Variants in PDE1A observed in about 807,000 individuals in gnomAD.
The protein encoded by PDE1A is dual specificity calcium/calmodulin-dependent 3',5'-cyclic nucleotide phosphodiesterase 1A.
PDE1A carries 35 observed loss-of-function variants against 61.7 expected under a neutral mutation model. The ratio of observed to expected loss-of-function variants is 0.57; its 90% CI spans 0.43 to 0.75. The LOEUF is 0.75. PDE1A is among the 30% of genes least tolerant of loss of function. The probability of loss-of-function intolerance (pLI) is 0.00; values close to 1 mark genes in which losing one functional copy is unlikely to be tolerated. For synonymous variants in PDE1A, 232 were observed against 213.2 expected, an observed-to-expected ratio of 1.09 and a Z score of -0.77; for missense variants, 597 against 630.6, an observed-to-expected ratio of 0.95 and a Z score of 0.57.
intron 1 of PDE1A, among the ~76,000 whole-genome samples, chr2:182,282,005 T>C (rs1312986577): frequency 3.3e-5 from 5 of 151,976 alleles, no homozygotes; most frequent in Admixed American, 3.3e-4. Context: ...TACCTGTGCC[T>C]TTCTGTCATC....
chr2:182,195,300 C>T (rs947800654), intron 10 of PDE1A, among the ~76,000 whole-genome samples: 10 of 152,144 alleles, frequency 6.6e-5, no homozygotes, highest in Non-Finnish European at 1.0e-4. Context: ...ATTTGAAGCC[C>T]TCTTACTTTT....
At chr2:182,472,635 C>A (rs1388063604) in intron 2 of PDE1A, among the ~76,000 whole-genome samples, 18 of 151,812 alleles carry the variant, frequency 1.2e-4, no homozygotes, top group Admixed American at 1.1e-3. Context: ...TATGGATGCA[C>A]TGAAGACTCT....
intron 1 of PDE1A, among the ~76,000 whole-genome samples, chr2:182,351,672 C>T (rs1450631747): frequency 6.6e-6 from 1 of 152,170 alleles, no homozygotes; most frequent in Non-Finnish European, 1.5e-5. Flanking sequence ...TGGCACTTTA[C>T]CGTGACATTT....
intron 2 of PDE1A, among the ~76,000 whole-genome samples, chr2:182,243,296 T>G (rs2568672): frequency 6.6e-6 from 1 of 152,006 alleles, no homozygotes; most frequent in Non-Finnish European, 1.5e-5. Context: ...AGAATTATGA[T>G]ATAAGGTTAA....
intron 1 of PDE1A, among the ~76,000 whole-genome samples, chr2:182,346,509 TGC>T: frequency 6.6e-6 from 1 of 152,274 alleles, no homozygotes; most frequent in Middle Eastern, 3.4e-3. Flanking sequence ...TATTTCATAT[TGC>T]ATTATTTTTC....
exon 10 of PDE1A, chr2:182,201,479 T>C (rs1686625503): frequency 1.2e-6 from 2 of 1,614,034 alleles, no homozygotes; most frequent in Non-Finnish European, 1.7e-6. Context: ...GGTCCACCGA[T>C]AATGCAGCTT....
chr2:182,304,330 G>A (rs949102837), intron 1 of PDE1A, among the ~76,000 whole-genome samples: 1 of 152,182 alleles, frequency 6.6e-6, no homozygotes, highest in East Asian at 1.9e-4. Context: ...GGAATATTGT[G>A]ACTGGTTTGA....
chr2:182,712,593 G>A, the PDE1A span, among the ~76,000 whole-genome samples: 2 of 151,802 alleles, frequency 1.3e-5, no homozygotes, highest in South Asian at 2.1e-4. Context: ...GTCTTGCTCT[G>A]TTGCCTAAGC....
chr2:182,434,048 T>A (rs1302732607), intron 2 of PDE1A, among the ~76,000 whole-genome samples: 3 of 152,102 alleles, frequency 2.0e-5, no homozygotes. Context: ...ATCTGTTTAA[T>A]TTTTTATTCA....
At chr2:182,594,118 T>C in the PDE1A span, among the ~76,000 whole-genome samples, 1 of 152,222 alleles carries the variant, frequency 6.6e-6, no homozygotes, top group Non-Finnish European at 1.5e-5. Context: ...TAAGGTGAGA[T>C]TAATTCTTTT....
the PDE1A span, among the ~76,000 whole-genome samples, chr2:182,596,187 T>C: frequency 2.0e-4 from 30 of 152,222 alleles, no homozygotes; most frequent in African/African-American, 7.2e-4. Context: ...GTACATTCTT[T>C]GGTACGCTGG....
intron 2 of PDE1A, among the ~76,000 whole-genome samples, chr2:182,244,113 C>T (rs571132815): frequency 2.4e-4 from 37 of 152,186 alleles, no homozygotes; most frequent in African/African-American, 8.2e-4. Flanking sequence ...GTGATCCGCC[C>T]GCCTTGGCCT....
At chr2:182,186,255 C>T (rs1685195255) in intron 12 of PDE1A, among the ~76,000 whole-genome samples, 176 bp from the exon 13 acceptor site, 2 of 152,158 alleles carry the variant, frequency 1.3e-5, no homozygotes, top group Admixed American at 1.3e-4. Context: ...CTGGATTCTC[C>T]TTAGTACACA....
the PDE1A span, among the ~76,000 whole-genome samples, chr2:182,570,898 A>G: frequency 6.6e-6 from 1 of 152,188 alleles, no homozygotes; most frequent in African/African-American, 2.4e-5. Flanking sequence ...TGGGTAAGTC[A>G]TTTGACATCT....
At chr2:182,363,444 T>G (rs772401552) in intron 1 of PDE1A, among the ~76,000 whole-genome samples, 13 of 151,034 alleles carry the variant, frequency 8.6e-5, no homozygotes, top group Non-Finnish European at 1.6e-4. Flanking sequence ...AGACATAGAG[T>G]TGATCCAGGG....
the PDE1A span, among the ~76,000 whole-genome samples, chr2:182,678,810 A>AG: frequency 6.6e-6 from 1 of 152,228 alleles, no homozygotes; most frequent in East Asian, 1.9e-4. Flanking sequence ...GGAGGGGGAG[A>AG]GGGAATGGAG....
chr2:182,506,462 A>G (rs1689418495), intron 2 of PDE1A, among the ~76,000 whole-genome samples: 1 of 152,232 alleles, frequency 6.6e-6, no homozygotes, highest in African/African-American at 2.4e-5. Context: ...AACTGTTCTT[A>G]TAATATTAAT....
At chr2:182,188,912 T>C in intron 11 of PDE1A, 67 bp downstream of exon 11, 1 of 1,011,348 alleles carries the variant, frequency 9.9e-7, no homozygotes, top group Admixed American at 1.8e-5. Context: ...TTGAACAACA[T>C]CGTTTACCCA....
intron 7 of PDE1A, among the ~76,000 whole-genome samples, chr2:182,212,605 A>G (rs946596185): frequency 6.6e-6 from 1 of 152,190 alleles, no homozygotes; most frequent in Non-Finnish European, 1.5e-5. Context: ...CTCACTTGGG[A>G]AGCGCAAGGG....
Sources: gnomAD v4.1 joint callset for allele counts (sites outside exome capture counted in the v4.1 genomes callset) on GRCh38, gnomAD v4.1.1 for gene constraint, MANE v1.5 for transcripts, NCBI Gene and HGNC (gene_info 2026-07-23, HGNC 2026-07-21) for gene names.